The following ASH1L variants were observed in gnomAD, a reference collection of about 807,000 sequenced individuals.
ASH1L encodes histone-lysine N-methyltransferase ASH1L.
In ASH1L, 23 loss-of-function variants were observed where a neutral mutation model predicts 269.0. The observed-to-expected ratio is 0.09, with a 90% CI of 0.06 to 0.12. ASH1L has a LOEUF of 0.12. Ranked by LOEUF, ASH1L falls within the 10% of genes least tolerant of loss-of-function variation. ASH1L has a pLI of 1.00. For synonymous variants in ASH1L, 1,187 were observed against 1,253.5 expected, an observed-to-expected ratio of 0.95 and a Z score of 1.12; for missense variants, 2,912 against 3,567.8, an observed-to-expected ratio of 0.82 and a Z score of 4.68.
chr1:155,342,358 G>C (rs544252902), intron 24 of ASH1L, among the ~76,000 whole-genome samples: 4 of 152,322 alleles, frequency 2.6e-5, no homozygotes, highest in Admixed American at 2.6e-4. Flanking sequence ...GAGTGCTGCA[G>C]GGATGTGTGA....
At chr1:155,547,320 T>C (rs535835274) in intron 1 of ASH1L, among the ~76,000 whole-genome samples, 8 of 151,694 alleles carry the variant, frequency 5.3e-5, no homozygotes, top group South Asian at 4.2e-4. Context: ...CACATGCACA[T>C]GTGTTTCTGT....
At chr1:155,361,271 C>T (rs1289967788) in intron 12 of ASH1L, among the ~76,000 whole-genome samples, 1 of 151,966 alleles carries the variant, frequency 6.6e-6, no homozygotes, top group Non-Finnish European at 1.5e-5. Context: ...GTAATATCAG[C>T]ACTTTGGGAG....
intron 1 of ASH1L, among the ~76,000 whole-genome samples, chr1:155,544,690 T>TAAATAAAATA (rs1013393585): frequency 6.6e-6 from 1 of 151,950 alleles, no homozygotes; most frequent in African/African-American, 2.4e-5. Flanking sequence ...TAAGACATTG[T>TAAATAAAATA]AAATAAAATA....
chr1:155,350,965 C>T (rs1471847096), intron 17 of ASH1L, among the ~76,000 whole-genome samples: 1 of 150,758 alleles, frequency 6.6e-6, no homozygotes, highest in African/African-American at 2.4e-5. Context: ...AGACCGGGCG[C>T]GATGGCACAC....
chr1:155,400,113 T>A (rs979584677), intron 6 of ASH1L, among the ~76,000 whole-genome samples: 1 of 152,106 alleles, frequency 6.6e-6, no homozygotes, highest in Non-Finnish European at 1.5e-5. Context: ...TTTGGGAGGC[T>A]GAGGCGGGCA....
At position 155,521,510 on chromosome 1, in the gene ASH1L, T is replaced by C; in HGVS notation, c.10A>G (p.Arg4Gly). The C allele has an allele frequency of 1.2e-6, 2 of 1,610,500 alleles. No individual in the cohort carries two copies. The highest frequency in any genetic ancestry group is 1.1e-5 in the South Asian group (1 of 90,380). The change falls in exon 2 of 28, where the codon AGA becomes GGA. Residue 4 changes from arginine to glycine, a missense_variant. Transcript: ENST00000392403. MDP[R>G]NTAMLGLGSD... Reference sequence around the variant, plus strand: ...CCCAATCCTAACATAGCAGTATTTCTAGGGTCCATCACAAGCGTATGTTAT... The same window carrying C: ...CCCAATCCTAACATAGCAGTATTTCCAGGGTCCATCACAAGCGTATGTTAT...
chr1:155,339,081 C>T (rs1255099971), intron 26 of ASH1L, among the ~76,000 whole-genome samples: 1 of 152,186 alleles, frequency 6.6e-6, no homozygotes, highest in Non-Finnish European at 1.5e-5. Context: ...TTTTCTGAGT[C>T]TGGAGTTCTG....
intron 10 of ASH1L, among the ~76,000 whole-genome samples, chr1:155,375,779 C>T (rs543931982): frequency 1.4e-4 from 21 of 147,434 alleles, no homozygotes; most frequent in Admixed American, 9.6e-4. Flanking sequence ...GCCTGGGCAA[C>T]GAGAATGAAA....
At chr1:155,525,274 AAAAC>A (rs1183660894) in intron 1 of ASH1L, among the ~76,000 whole-genome samples, 2 of 152,044 alleles carry the variant, frequency 1.3e-5, no homozygotes, top group African/African-American at 4.8e-5. Flanking sequence ...AATAAACTCT[AAAAC>A]AAAAAATAAA....
intron 5 of ASH1L, among the ~76,000 whole-genome samples, chr1:155,434,629 G>A (rs1028594405): frequency 9.2e-5 from 14 of 152,034 alleles, no homozygotes; most frequent in African/African-American, 3.4e-4. Flanking sequence ...GAGGCGGGAG[G>A]ATCATCAGGT....
At chr1:155,501,551 A>G (rs1435383187) in intron 2 of ASH1L, among the ~76,000 whole-genome samples, 2 of 152,076 alleles carry the variant, frequency 1.3e-5, no homozygotes, top group Non-Finnish European at 2.9e-5. Flanking sequence ...TTATATTTTT[A>G]GTAGAGACCA....
At chr1:155,500,286 C>A (rs924885398) in intron 2 of ASH1L, among the ~76,000 whole-genome samples, 7 of 152,150 alleles carry the variant, frequency 4.6e-5, no homozygotes, top group Admixed American at 2.6e-4. Context: ...ATGTAAAGAT[C>A]CAGGATAATT....
chr1:155,338,456 G>C (rs1164348920), intron 26 of ASH1L, 66 bp from the exon 27 acceptor site: 2 of 1,496,786 alleles, frequency 1.3e-6, no homozygotes, highest in Non-Finnish European at 1.8e-6. Flanking sequence ...AAGGGTAGGA[G>C]GCCTCAAGAT....
intron 1 of ASH1L, among the ~76,000 whole-genome samples, chr1:155,560,464 A>G (rs1330180149): frequency 6.6e-6 from 1 of 152,222 alleles, no homozygotes; most frequent in Non-Finnish European, 1.5e-5. Context: ...AGCCCAGCCA[A>G]GAAGTTCCAA....
At position 155,343,517 on chromosome 1, in the gene ASH1L, G is replaced by A; in HGVS notation, c.8121-31C>T. 6.2e-7 allele frequency: 1 copy of A among 1,612,590 alleles called. No homozygotes were observed. Among genetic ancestry groups the A allele is most frequent in the African/African-American group, 1.3e-5 (1 of 75,044 alleles). On this transcript the variant is annotated intron_variant, in intron 23 of 27. Transcript: ENST00000392403. The surrounding 1 kb of genome is among the most constrained non-coding windows in gnomAD (Gnocchi z 6.1). ...ACAATGGAAAAGTGAGAAGGGAGAG[G>A]TTTAGCTGATTAGCAAGATCCTAGT...
intron 4 of ASH1L, 130 bp from the exon 5 acceptor site, chr1:155,439,198 T>C (rs1411964714): frequency 1.0e-6 from 1 of 990,784 alleles, no homozygotes; most frequent in African/African-American, 1.6e-5. Context: ...GGTAAATTGA[T>C]GGTTTACTTT....
intron 1 of ASH1L, among the ~76,000 whole-genome samples, chr1:155,542,531 AG>A (rs2148891407): frequency 6.6e-6 from 1 of 152,008 alleles, no homozygotes; most frequent in East Asian, 1.9e-4. Context: ...CCTGGGCAAC[AG>A]AGCAAGACTC....
chr1:155,442,246 C>T (rs11264371), intron 4 of ASH1L, among the ~76,000 whole-genome samples: 45,665 of 151,712 alleles, frequency 0.3, 7,488 homozygotes, highest in East Asian at 0.72. Flanking sequence ...TCTACTTTCA[C>T]CATCCTCCAA....
chr1:155,406,299 G>A (rs1308936998), intron 6 of ASH1L, among the ~76,000 whole-genome samples: 4 of 151,482 alleles, frequency 2.6e-5, no homozygotes, highest in Non-Finnish European at 5.9e-5. Flanking sequence ...TAGATAAGCT[G>A]ATCCTAAAAA....
Sources: allele counts gnomAD v4.1 joint callset (sites outside exome capture counted in the v4.1 genomes callset), GRCh38; gene constraint gnomAD v4.1.1; non-coding constraint Gnocchi (gnomAD v3.1); transcripts MANE v1.5; gene names NCBI Gene and HGNC (gene_info 2026-07-23, HGNC 2026-07-21).